PTPRJ: variants seen among roughly 807,000 people sequenced by gnomAD.
PTPRJ encodes protein tyrosine phosphatase receptor type J.
PTPRJ carries 129 observed loss-of-function variants against 141.3 expected under a neutral mutation model. The observed-to-expected ratio is 0.91, with a 90% CI of 0.79 to 1.06. The LOEUF (loss-of-function observed/expected upper bound fraction) is 1.06, where lower values mean the gene tolerates loss of function less well. PTPRJ is among the 50% of genes least tolerant of loss of function. PTPRJ has a pLI of 0.00. For synonymous variants in PTPRJ, 610 were observed against 640.5 expected (o/e 0.95, Z 0.72); for missense variants, 1,601 against 1,679.7 (o/e 0.95, Z 0.82).
chr11:48,052,319 G>A (rs1358095811), intron 1 of PTPRJ, among the ~76,000 whole-genome samples: 1 of 152,250 alleles, frequency 6.6e-6, no homozygotes, highest in Non-Finnish European at 1.5e-5. Flanking sequence ...AAATGTGCAA[G>A]TGTGGTTCCC....
Position 48,045,954 on chromosome 11 carries a change from G to A in PTPRJ, c.97-64104G>A, listed in dbSNP as rs116311575. 6.8e-3 allele frequency among the ~76,000 whole-genome samples: 1,042 copies of A among 152,258 alleles called. 13 individuals are homozygous for A. Among genetic ancestry groups the A allele is most frequent in the African/African-American group, 0.024 (978 of 41,548 alleles). On this transcript the variant is annotated intron_variant, in intron 1 of 24. Transcript: ENST00000418331. ...TGCAACCATTTCAGAGTTTTCTTCTGTTTGTGATGTCATCTGTGCCTTATA... is the reference window on the plus strand; with the variant it reads ...TGCAACCATTTCAGAGTTTTCTTCTATTTGTGATGTCATCTGTGCCTTATA...
At position 48,144,891 on chromosome 11, in the gene PTPRJ, G is replaced by A. The variant is rs1857315429; in HGVS notation, c.2786+6G>A. ...GAACCTCTGGGCTCCTACCGGTAAT[G>A]TCTTCTGGTTCTTACTCTTTGGGGG... is the stretch of plus-strand genomic sequence containing the variant. On this transcript the variant is annotated splice_donor_region_variant and intron_variant, in intron 13 of 24. Coordinates refer to ENST00000418331, the MANE Select transcript of PTPRJ (RefSeq NM_002843.4). The A allele has an allele frequency of 1.9e-6, 3 of 1,614,032 alleles. No individual in the cohort carries two copies. The highest frequency in any genetic ancestry group is 3.3e-5 in the Admixed American group (2 of 59,998).
rs543094797 is a variant in PTPRJ at position 48,135,881 on chromosome 11, AGT to A, written c.1616-152_1616-151del. Among the ~76,000 whole-genome samples, 1,133 of 152,304 alleles carry A rather than the reference AGT, an allele frequency of 7.4e-3. 18 individuals carry two copies. Among genetic ancestry groups the A allele is most frequent in the African/African-American group, 0.026 (1,075 of 41,554 alleles). ...AGAGCTGAAATTCTTGAGAGCACTGAGTGTGTGCATTTCTCAGCTCGATTTTG... is the reference window on the plus strand; with the variant it reads ...AGAGCTGAAATTCTTGAGAGCACTGAGTGTGCATTTCTCAGCTCGATTTTG... On this transcript the variant is annotated intron_variant, in intron 8 of 24. Coordinates refer to ENST00000418331, the MANE Select transcript of PTPRJ (RefSeq NM_002843.4).
At chr11:48,078,370 T>C (rs762865699) in intron 1 of PTPRJ, among the ~76,000 whole-genome samples, 9 of 152,136 alleles carry the variant, frequency 5.9e-5, no homozygotes, top group African/African-American at 9.7e-5. Context: ...ATGGATTCAG[T>C]TTATGTGCAA....
At chr11:48,075,141 T>C (rs1210607004) in intron 1 of PTPRJ, among the ~76,000 whole-genome samples, 2 of 151,694 alleles carry the variant, frequency 1.3e-5, no homozygotes, top group Non-Finnish European at 2.9e-5. Context: ...ATTTATTTAG[T>C]TAGTTAGTTA....
chr11:48,163,548 A>C lies in PTPRJ; in HGVS notation c.3649A>C (p.Asn1217His), dbSNP rs778325724. 5 of 1,613,996 alleles carry C rather than the reference A, an allele frequency of 3.1e-6. No homozygotes were observed. Among genetic ancestry groups the C allele is most frequent in the Non-Finnish European group, 4.2e-6 (5 of 1,179,876 alleles). Residue 1217 changes from asparagine (N) to histidine (H), a missense_variant, in exon 23 of 25, where the codon AAC becomes CAC. Coordinates refer to ENST00000418331, the MANE Select transcript of PTPRJ (RefSeq NM_002843.4). The part of the protein sequence containing the change: ...GVPDTTDLLI[N>H]FRYLVRDYMK... ...TCCCGACACCACTGACCTGCTCATC[A>C]ACTTCCGGTACCTCGTTCGTGACTA...
At chr11:48,028,502 G>C (rs1011631175) in intron 1 of PTPRJ, among the ~76,000 whole-genome samples, 31 of 152,176 alleles carry the variant, frequency 2.0e-4, no homozygotes, top group African/African-American at 7.2e-4. Flanking sequence ...TTAACAAAAG[G>C]TTAAGCTGCT....
At chr11:48,021,019 G>T (rs1855103521) in intron 1 of PTPRJ, among the ~76,000 whole-genome samples, 1 of 152,104 alleles carries the variant, frequency 6.6e-6, no homozygotes, top group African/African-American at 2.4e-5. Flanking sequence ...AGAATGCAGG[G>T]CATTTTACTC....
intron 1 of PTPRJ, among the ~76,000 whole-genome samples, chr11:47,983,644 G>A (rs1853971853): frequency 6.6e-6 from 1 of 152,186 alleles, no homozygotes. Flanking sequence ...TGCAGTGTCT[G>A]ACTCCTCCCA....
intron 3 of PTPRJ, among the ~76,000 whole-genome samples, chr11:48,119,018 CA>C (rs59349969): frequency 0.2 from 17,094 of 86,426 alleles, 689 homozygotes; most frequent in African/African-American, 0.27. Context: ...GACTTCGTCT[CA>C]AAAAAAAAAA....
intron 2 of PTPRJ, among the ~76,000 whole-genome samples, chr11:48,111,425 C>T (rs1356808601): frequency 1.0e-4 from 15 of 147,018 alleles, no homozygotes; most frequent in African/African-American, 3.8e-4. Context: ...TTGGTAAAAT[C>T]TCAGTTTGTG....
intron 1 of PTPRJ, among the ~76,000 whole-genome samples, chr11:47,987,193 A>G (rs904387689): frequency 2.0e-5 from 3 of 152,086 alleles, no homozygotes; most frequent in African/African-American, 7.2e-5. Flanking sequence ...CAGGCAACAG[A>G]GTGAGACCCT....
chr11:48,062,053 C>T (rs1854947917), intron 1 of PTPRJ, among the ~76,000 whole-genome samples: 2 of 151,524 alleles, frequency 1.3e-5, no homozygotes. Flanking sequence ...TACAGACATA[C>T]ACCACCATGC....
At chr11:48,151,740 T>G (rs1191369688) in intron 18 of PTPRJ, among the ~76,000 whole-genome samples, 1 of 152,090 alleles carries the variant, frequency 6.6e-6, no homozygotes. Context: ...GAATGATGGT[T>G]TCCAGCTTCA....
chr11:48,101,954 A>G (rs926035403), intron 1 of PTPRJ, among the ~76,000 whole-genome samples: 6 of 152,124 alleles, frequency 3.9e-5, no homozygotes, highest in African/African-American at 1.4e-4. Context: ...TTTTATATTC[A>G]TATTGTGCAC....
At chr11:48,150,649 T>A (rs1857460110) in intron 18 of PTPRJ, among the ~76,000 whole-genome samples, 1 of 152,172 alleles carries the variant, frequency 6.6e-6, no homozygotes, top group Non-Finnish European at 1.5e-5. Flanking sequence ...CATGTAGAGG[T>A]CTGGGGCTTG....
intron 1 of PTPRJ, among the ~76,000 whole-genome samples, chr11:48,090,942 C>G (rs1312829640): frequency 1.3e-5 from 2 of 152,174 alleles, no homozygotes; most frequent in African/African-American, 4.8e-5. Flanking sequence ...CAGCCTGCCC[C>G]ACTCCAAAGG....
At chr11:48,082,410 ATT>A (rs386373791) in intron 1 of PTPRJ, among the ~76,000 whole-genome samples, 10 of 125,236 alleles carry the variant, frequency 8.0e-5, no homozygotes, top group African/African-American at 8.9e-5. Flanking sequence ...TACCTGGCAA[ATT>A]TTTTTTTTTT....
Position 48,084,985 on chromosome 11 carries a change from C to G in PTPRJ, c.97-25073C>G, listed in dbSNP as rs145075311. On this transcript the variant is annotated intron_variant, in intron 1 of 24. Transcript: ENST00000418331. ...ATGTAACAGAATATGAAAAGTTCAC[C>G]GACACAGTTTCACATTCCACGATGC... Among the ~76,000 whole-genome samples the G allele has an allele frequency of 5.2e-3, 798 of 152,190 alleles. 11 individuals are homozygous for G. The highest frequency in any genetic ancestry group is 0.018 in the African/African-American group (749 of 41,516).
Sources: gnomAD v4.1 joint callset for allele counts (sites outside exome capture counted in the v4.1 genomes callset) on GRCh38, gnomAD v4.1.1 for gene constraint, MANE v1.5 for transcripts, NCBI Gene and HGNC (gene_info 2026-07-23, HGNC 2026-07-21) for gene names.